UTRN: variants seen among roughly 807,000 people sequenced by gnomAD.
UTRN encodes utrophin, also known as dystrophin-related protein 1.
Under a neutral mutation model 463.9 loss-of-function variants are expected in UTRN, and 283 were observed. The ratio of observed to expected loss-of-function variants is 0.61; its 90% CI spans 0.55 to 0.67. The LOEUF (loss-of-function observed/expected upper bound fraction) is 0.67, where lower values mean the gene tolerates loss of function less well. UTRN is among the 30% of genes least tolerant of loss of function. The probability of loss-of-function intolerance (pLI) is 0.00; values close to 1 mark genes in which losing one functional copy is unlikely to be tolerated. For missense variants in UTRN, 3,922 were observed against 4,084.3 expected (o/e 0.96, Z 1.08); for synonymous variants, 1,442 against 1,431.5 (o/e 1.01, Z -0.17).
Position 144,385,755 on chromosome 6 carries a change from C to T in UTRN, c.80-17368C>T, listed in dbSNP as rs116261528. Reference sequence around the variant, plus strand: ...ACGGAGTCTTGCTCTTTCGCTCAGGCTTGAGTGCAGAGGTGCGATCTCGGC... The same window carrying T: ...ACGGAGTCTTGCTCTTTCGCTCAGGTTTGAGTGCAGAGGTGCGATCTCGGC... On this transcript the variant is annotated intron_variant, in intron 2 of 74. Coordinates refer to ENST00000367545, the MANE Select transcript of UTRN (RefSeq NM_007124.3). Among the ~76,000 whole-genome samples the T allele has an allele frequency of 4.4e-3, 666 of 150,522 alleles. 10 individuals carry two copies. Among genetic ancestry groups the T allele is most frequent in the African/African-American group, 0.016 (647 of 40,740 alleles).
At chr6:144,519,073 T>C (rs1233883580) in intron 39 of UTRN, among the ~76,000 whole-genome samples, 1 of 152,192 alleles carries the variant, frequency 6.6e-6, no homozygotes, top group African/African-American at 2.4e-5. Context: ...ACTCATTGTC[T>C]TACCTGAAAT....
chr6:144,775,938 C>A (rs541053230), intron 60 of UTRN, among the ~76,000 whole-genome samples: 5 of 152,156 alleles, frequency 3.3e-5, no homozygotes, highest in Non-Finnish European at 5.9e-5. Flanking sequence ...CTAAACTAAA[C>A]GAGATTGGTA....
chr6:144,469,722 A>G (rs1270389131), intron 23 of UTRN, among the ~76,000 whole-genome samples: 1 of 116,046 alleles, frequency 8.6e-6, no homozygotes, highest in Non-Finnish European at 1.7e-5. Context: ...TTTAGTATTT[A>G]TTGATCATTT....
intron 12 of UTRN, among the ~76,000 whole-genome samples, chr6:144,440,001 G>A (rs1786988794): frequency 6.6e-6 from 1 of 151,974 alleles, no homozygotes; most frequent in Non-Finnish European, 1.5e-5. Flanking sequence ...GTTTATTTAA[G>A]CTCTGGACTT....
At chr6:144,640,492 C>T (rs1777656612) in intron 51 of UTRN, among the ~76,000 whole-genome samples, 1 of 152,004 alleles carries the variant, frequency 6.6e-6, no homozygotes, top group African/African-American at 2.4e-5. Context: ...TATTTCTGTA[C>T]TAAGATCATG....
chr6:144,742,373 G>A lies in UTRN; in HGVS notation c.7940-5873G>A, dbSNP rs182122145. Among the ~76,000 whole-genome samples the A allele has an allele frequency of 6.9e-4, 105 of 152,258 alleles. 1 individual carries two copies. Among genetic ancestry groups the A allele is most frequent in the Admixed American group, 6.2e-3 (94 of 15,276 alleles). On this transcript the variant is annotated intron_variant, in intron 54 of 74. Coordinates refer to ENST00000367545, the MANE Select transcript of UTRN (RefSeq NM_007124.3). ...GTCAGGGCCCTCTCAAACACTGATTGAACATTTCAGAGTTATTAAATGGAT... is the reference window on the plus strand; with the variant it reads ...GTCAGGGCCCTCTCAAACACTGATTAAACATTTCAGAGTTATTAAATGGAT...
intron 17 of UTRN, among the ~76,000 whole-genome samples, chr6:144,449,772 T>C (rs989300045): frequency 6.6e-6 from 1 of 152,184 alleles, no homozygotes; most frequent in Non-Finnish European, 1.5e-5. Context: ...CACTGCTTAA[T>C]GTATCGAGAA....
intron 51 of UTRN, among the ~76,000 whole-genome samples, chr6:144,644,018 T>G (rs1467498366): frequency 6.6e-6 from 1 of 152,170 alleles, no homozygotes; most frequent in Non-Finnish European, 1.5e-5. Flanking sequence ...CTTCTTAATA[T>G]TGAATCACGT....
At chr6:144,517,043 C>A in intron 39 of UTRN, 95 bp downstream of exon 39, 2 of 1,129,188 alleles carry the variant, frequency 1.8e-6, no homozygotes, top group Non-Finnish European at 2.3e-6. Flanking sequence ...CTTTAAAACA[C>A]ACCAGTTGGA....
chr6:144,848,654 G>A (rs1267507875), intron 74 of UTRN, among the ~76,000 whole-genome samples: 1 of 152,118 alleles, frequency 6.6e-6, no homozygotes, highest in African/African-American at 2.4e-5. Flanking sequence ...TATTGGTAAT[G>A]GTCCATATTT....
intron 26 of UTRN, 52 bp downstream of exon 26, chr6:144,480,034 TAAA>T: frequency 6.4e-7 from 1 of 1,570,974 alleles, no homozygotes; most frequent in Non-Finnish European, 8.6e-7. Flanking sequence ...CTCCTCCCTT[TAAA>T]ACCAGCACAT....
intron 2 of UTRN, among the ~76,000 whole-genome samples, chr6:144,300,679 A>G (rs1217991628): frequency 1.3e-5 from 2 of 152,198 alleles, no homozygotes; most frequent in Non-Finnish European, 2.9e-5. Flanking sequence ...CAGTTTTAAG[A>G]TTAAGGATCA....
At chr6:144,832,840 G>T (rs780636269) in intron 69 of UTRN, among the ~76,000 whole-genome samples, 6 of 151,912 alleles carry the variant, frequency 3.9e-5, no homozygotes, top group Non-Finnish European at 7.4e-5. Context: ...TTGTTTTTGA[G>T]ACAGAGTCTC....
chr6:144,462,890 T>A, intron 23 of UTRN, 24 bp downstream of exon 23: 1 of 1,544,706 alleles, frequency 6.5e-7, no homozygotes. Flanking sequence ...CCACTGGGAG[T>A]TTAAGTTTAT....
chr6:144,620,226 T>C (rs185227240), intron 51 of UTRN, among the ~76,000 whole-genome samples: 1 of 152,320 alleles, frequency 6.6e-6, no homozygotes, highest in African/African-American at 2.4e-5. Flanking sequence ...GCTTAAATCA[T>C]TTTTAAGTAC....
Position 144,285,470 on chromosome 6 carries a change from A to T in UTRN, c.-444A>T, listed in dbSNP as rs1433934323. On this transcript the variant is annotated 5_prime_UTR_variant, in exon 1 of 75. Coordinates refer to ENST00000367545, the MANE Select transcript of UTRN (RefSeq NM_007124.3). ...AGCGGCGCCCCCCTTCTTTTGGGTC[A>T]TTTCTGCAAACGGAAAACTCTGTAG... 6.6e-6 allele frequency among the ~76,000 whole-genome samples: 1 copy of T among 152,086 alleles called. No individual in the cohort carries two copies. The highest frequency in any genetic ancestry group is 2.4e-5 in the African/African-American group (1 of 41,430).
chr6:144,481,484 A>C (rs574304564), intron 26 of UTRN, among the ~76,000 whole-genome samples: 2 of 152,366 alleles, frequency 1.3e-5, no homozygotes, highest in East Asian at 3.9e-4. Context: ...TAAAAAGCTT[A>C]AATTATTTAG....
intron 57 of UTRN, among the ~76,000 whole-genome samples, chr6:144,755,299 G>A (rs1040230514): frequency 6.6e-6 from 1 of 152,064 alleles, no homozygotes; most frequent in African/African-American, 2.4e-5. Flanking sequence ...CGAGTATTGC[G>A]TATGTAGCCA....
At chr6:144,591,660 G>A (rs1235315991) in intron 51 of UTRN, among the ~76,000 whole-genome samples, 1 of 152,048 alleles carries the variant, frequency 6.6e-6, no homozygotes, top group Non-Finnish European at 1.5e-5. Context: ...GAAATACTGA[G>A]AATTTTAAAT....
Sources: allele counts gnomAD v4.1 joint callset (sites outside exome capture counted in the v4.1 genomes callset), GRCh38; gene constraint gnomAD v4.1.1; transcripts MANE v1.5; gene names NCBI Gene and HGNC (gene_info 2026-07-23, HGNC 2026-07-21).